TRANK1: variants seen among roughly 807,000 people sequenced by gnomAD.
TRANK1 encodes the protein TPR and ankyrin repeat-containing protein 1.
A neutral mutation model predicts 266.0 loss-of-function variants in TRANK1; 198 were observed. That is an observed-to-expected ratio of 0.74 (90% confidence interval 0.66 to 0.84). The LOEUF (loss-of-function observed/expected upper bound fraction) is 0.84. TRANK1 is among the 40% of genes least tolerant of loss of function. The pLI, the probability that TRANK1 is intolerant of heterozygous loss-of-function variation, is 0.00. For missense variants in TRANK1, 3,326 were observed against 3,634.6 expected (o/e 0.92, Z 2.18); for synonymous variants, 1,396 against 1,384.1 (o/e 1.01, Z -0.19).
In TRANK1 at chr3:36,857,696, T is replaced by C. The variant is rs754763283; in HGVS notation, c.2026A>G (p.Thr676Ala). Residue 676 changes from threonine to alanine, a missense_variant, in exon 13 of 24, where the codon ACA (threonine) becomes GCA (alanine). Transcript: ENST00000645898. The surrounding 1 kb of genome is among the most constrained non-coding windows in gnomAD (Gnocchi z 4.3). ...KLSKSTAPGH[T>A]SQLKSQGSFK... Reference sequence around the variant, plus strand: ...GAACCCTGGGACTTGAGCTGAGATGTGTGACCAGGGGCAGTGGACTTTGAG... The same window carrying C: ...GAACCCTGGGACTTGAGCTGAGATGCGTGACCAGGGGCAGTGGACTTTGAG... 5 of 1,614,028 alleles carry C rather than the reference T, an allele frequency of 3.1e-6. No individual in the cohort carries two copies. Among genetic ancestry groups the C allele is most frequent in the Admixed American group, 3.3e-5 (2 of 60,030 alleles).
intron 3 of TRANK1, among the ~76,000 whole-genome samples, chr3:36,901,682 A>T (rs1359000442): frequency 6.6e-6 from 1 of 152,062 alleles, no homozygotes; most frequent in Non-Finnish European, 1.5e-5. Context: ...TAGAGGGAAA[A>T]TTTTTTGCCT....
At chr3:36,928,625 G>C (rs886918417) in intron 1 of TRANK1, among the ~76,000 whole-genome samples, 3 of 152,106 alleles carry the variant, frequency 2.0e-5, no homozygotes, top group African/African-American at 7.2e-5. Flanking sequence ...TCTGTGACCT[G>C]AGGATATAGA....
At chr3:36,841,625 A>G (rs1006449405) in intron 18 of TRANK1, among the ~76,000 whole-genome samples, 4 of 152,182 alleles carry the variant, frequency 2.6e-5, no homozygotes, top group Admixed American at 2.0e-4. Context: ...GTACTGACCA[A>G]TGAGATATAG....
At position 36,855,614 on chromosome 3, in the gene TRANK1, C is replaced by T; in HGVS notation, c.4108G>A (p.Glu1370Lys). The T allele has an allele frequency of 6.2e-7, 1 of 1,613,882 alleles. No homozygotes were observed. The highest frequency in any genetic ancestry group is 8.5e-7 in the Non-Finnish European group (1 of 1,179,842). The change falls in exon 13 of 24, where the codon GAA (glutamate) becomes AAA (lysine). Residue 1370 changes from glutamate (E) to lysine (K), a missense_variant. Physicochemically the swap from Glu to Lys is moderately conservative, Grantham distance 56. Transcript: ENST00000645898. ...CTCCCTAATTTCTTATATACTTCTT[C>T]AGTGAGTCTCCCATGGGGACAGCTG... ...ALSCPHGRLT[E>K]EVYKKLGRKR...
Position 36,874,226 on chromosome 3 carries a change from C to T in TRANK1, c.978G>A (p.Arg326=). ...TCCTCTTCAGGACATCCACAACAGA[C>T]CGAGACTGTCGATCCAGCAAAGTGG... ...ADPTLLDRQS[R]SVVDVLKRNK... Residue 326 remains arginine, a synonymous_variant, in exon 9 of 24, where the codon CGG becomes CGA. Transcript: ENST00000645898. The T allele has an allele frequency of 6.5e-7, 1 of 1,537,204 alleles. No individual in the cohort carries two copies. Among genetic ancestry groups the T allele is most frequent in the Non-Finnish European group, 8.7e-7 (1 of 1,146,890 alleles).
intron 3 of TRANK1, among the ~76,000 whole-genome samples, chr3:36,900,667 G>A (rs1034440853): frequency 6.6e-6 from 1 of 151,606 alleles, no homozygotes; most frequent in Non-Finnish European, 1.5e-5. Flanking sequence ...CTTGAGCCCA[G>A]GAGTTCAAGA....
At chr3:36,918,301 G>A (rs6772646) in intron 1 of TRANK1, among the ~76,000 whole-genome samples, 56,322 of 151,276 alleles carry the variant, frequency 0.37, 11,050 homozygotes, top group Non-Finnish European at 0.45. Flanking sequence ...TTTCAGTTTT[G>A]CAAATAAAAA....
Position 36,903,198 on chromosome 3 carries a change from G to A in TRANK1, c.233C>T (p.Ala78Val), listed in dbSNP as rs2079909323. 6.5e-7 allele frequency: 1 copy of A among 1,537,190 alleles called. No individual in the cohort carries two copies. Among genetic ancestry groups the A allele is most frequent in the Non-Finnish European group, 8.7e-7 (1 of 1,146,946 alleles). Residue 78 changes from alanine (A) to valine (V), a missense_variant, in exon 3 of 24, where the codon GCA becomes GTA. Physicochemically the swap from Ala to Val is moderately conservative, Grantham distance 64. Coordinates refer to ENST00000645898, the MANE Select transcript of TRANK1 (RefSeq NM_001329998.2). ...GAGACATTCCTTGGCAGCAACAAATGCCTCATTCCACTTCCCAAGGCTGAA... is the reference window on the plus strand; with the variant it reads ...GAGACATTCCTTGGCAGCAACAAATACCTCATTCCACTTCCCAAGGCTGAA... ...AFFSLGKWNE[A>V]FVAAKECLQW...
Position 36,870,419 on chromosome 3 carries a change from AAAGAG to A in TRANK1, c.1078+3702_1078+3706del, listed in dbSNP as rs202159444. Among the ~76,000 whole-genome samples the A allele has an allele frequency of 3.2e-3, 420 of 130,784 alleles. 3 individuals carry two copies. Among genetic ancestry groups the A allele is most frequent in the African/African-American group, 0.012 (379 of 31,074 alleles). 85.8% of individuals were successfully genotyped at this position (130,784 alleles called of 152,430 possible). ...CAAAACTCTGTTTCAAAAAAAAAAA[AAAGAG>A]AGAGAGAGAGAGAGAGTTCCACTGC... is the stretch of plus-strand genomic sequence containing the variant. On this transcript the variant is annotated intron_variant, in intron 9 of 23. Transcript: ENST00000645898.
rs764992396 is a variant in TRANK1 at position 36,892,327 on chromosome 3, A to G, written c.650T>C (p.Ile217Thr). 5.9e-6 allele frequency: 9 copies of G among 1,537,044 alleles called. No individual in the cohort carries two copies. Among genetic ancestry groups the G allele is most frequent in the African/African-American group, 4.1e-5 (3 of 73,024 alleles). ...TTGTTCCATCTTCTCATAAAGTCCA[A>G]TGAAAACGTATTTCTGGGGAAAAAA... ...LKSLFEKYVFIGLYEKMEQVP... is the reference protein window; with the variant it reads ...LKSLFEKYVFTGLYEKMEQVP... The change falls in exon 7 of 24, where the codon ATT becomes ACT. Residue 217 changes from isoleucine to threonine, a missense_variant. Physicochemically the swap from Ile to Thr is moderately conservative, Grantham distance 89. Transcript: ENST00000645898.
intron 9 of TRANK1, among the ~76,000 whole-genome samples, chr3:36,869,504 A>T (rs1166143194): frequency 6.6e-6 from 1 of 152,258 alleles, no homozygotes; most frequent in Non-Finnish European, 1.5e-5. Context: ...GCAAAAAACA[A>T]ATGTTAGGCA....
intron 13 of TRANK1, among the ~76,000 whole-genome samples, chr3:36,854,770 T>C (rs1399814399): frequency 1.3e-5 from 2 of 152,030 alleles, no homozygotes; most frequent in African/African-American, 4.8e-5. Context: ...CCCTCCCTTT[T>C]TTTTTTTTCC....
At chr3:36,851,979 G>C (rs2078990587) in intron 14 of TRANK1, 123 bp from the exon 15 acceptor site, 3 of 1,415,674 alleles carry the variant, frequency 2.1e-6, no homozygotes, top group Non-Finnish European at 2.8e-6. Context: ...GGTCAGGCAG[G>C]CCAGGGGAAA....
Position 36,857,993 on chromosome 3 carries a change from TG to T in TRANK1, c.1728del (p.Thr577LeufsTer18). 1 of 1,597,838 alleles carries T rather than the reference TG, an allele frequency of 6.3e-7. No homozygotes were observed. Among genetic ancestry groups the T allele is most frequent in the Non-Finnish European group, 8.5e-7 (1 of 1,178,618 alleles). ...SHLLDLFWSN[P>X]TEFDYLNPNV... ...TTGGGGTTGAGGTAGTCGAATTCAG[TG>T]GGGTTGGACCAAAACAGATCCAACA... On this transcript the variant is annotated frameshift_variant, in exon 13 of 24. Coordinates refer to ENST00000645898, the MANE Select transcript of TRANK1 (RefSeq NM_001329998.2). LOFTEE classifies it high-confidence loss of function. The surrounding 1 kb of genome is among the most constrained non-coding windows in gnomAD (Gnocchi z 4.3).
rs1324068391 is a variant in TRANK1, at chr3:36,892,238, G to T, written c.739C>A (p.Pro247Thr). 6.5e-7 allele frequency: 1 copy of T among 1,537,050 alleles called. No individual in the cohort carries two copies. The highest frequency in any genetic ancestry group is 8.7e-7 in the Non-Finnish European group (1 of 1,146,892). ...GASVETIGPY[P>T]LHALMRLCIQ... ...CAGAGTCGCATGAGGGCATGAAGGG[G>T]ATACGGTCCTATAGTCTCAACACTT... Residue 247 changes from proline to threonine, a missense_variant, in exon 7 of 24, where the codon CCC becomes ACC. Coordinates refer to ENST00000645898, the MANE Select transcript of TRANK1 (RefSeq NM_001329998.2).
At chr3:36,852,105 ACTGT>A (rs778080553) in intron 14 of TRANK1, 37 bp downstream of exon 14, 1 of 1,533,046 alleles carries the variant, frequency 6.5e-7, no homozygotes, top group Non-Finnish European at 8.7e-7. Flanking sequence ...TCAATTGCAA[ACTGT>A]CTTTTATTTC....
At chr3:36,848,243 A>G (rs2078940965) in intron 15 of TRANK1, among the ~76,000 whole-genome samples, 1 of 152,196 alleles carries the variant, frequency 6.6e-6, no homozygotes, top group Non-Finnish European at 1.5e-5. Context: ...TAATTTTTAT[A>G]TACCATAAAA....
chr3:36,896,531 C>A (rs2079793016), intron 4 of TRANK1, among the ~76,000 whole-genome samples: 1 of 152,194 alleles, frequency 6.6e-6, no homozygotes, highest in Non-Finnish European at 1.5e-5. Context: ...AAAAGGAGTA[C>A]TTTGGTAAAG....
chr3:36,856,468 C>T lies in TRANK1; in HGVS notation c.3254G>A (p.Cys1085Tyr), dbSNP rs908998169. ...IGRSGTGKTT[C>Y]CLYRLWKKFH... ...TTTCTTCCACAATCTGTACAAGCAGCAGGTTGTCTTCCCAGTGCCACTTCG... is the reference window on the plus strand; with the variant it reads ...TTTCTTCCACAATCTGTACAAGCAGTAGGTTGTCTTCCCAGTGCCACTTCG... Residue 1085 changes from cysteine to tyrosine, a missense_variant, in exon 13 of 24, where the codon TGC becomes TAC. By Grantham distance (194) the Cys-to-Tyr change is radical. Transcript: ENST00000645898. 6.2e-7 allele frequency: 1 copy of T among 1,613,886 alleles called. No homozygotes were observed. The highest frequency in any genetic ancestry group is 8.5e-7 in the Non-Finnish European group (1 of 1,179,898).
Sources: gnomAD v4.1 joint callset for allele counts (sites outside exome capture counted in the v4.1 genomes callset) on GRCh38, gnomAD v4.1.1 for gene constraint, Gnocchi (gnomAD v3.1) non-coding constraint, MANE v1.5 for transcripts, NCBI Gene and HGNC (gene_info 2026-07-23, HGNC 2026-07-21) for gene names.